Variants in NUBPL observed in about 807,000 individuals in gnomAD.
NUBPL encodes NUBP iron-sulfur cluster assembly factor, mitochondrial.
NUBPL carries 31 observed loss-of-function variants against 45.7 expected under a neutral mutation model. The observed-to-expected ratio is 0.68, with a 90% CI of 0.51 to 0.92. The LOEUF (loss-of-function observed/expected upper bound fraction) is 0.92. NUBPL is among the 40% of genes least tolerant of loss of function. NUBPL has a pLI of 0.00. For synonymous variants in NUBPL, 144 were observed against 140.9 expected (o/e 1.02, Z -0.15); for missense variants, 401 against 398.7 (o/e 1.01, Z -0.05).
At chr14:31,705,632 C>G (rs755612999) in intron 6 of NUBPL, among the ~76,000 whole-genome samples, 18 of 152,008 alleles carry the variant, frequency 1.2e-4, no homozygotes, top group Non-Finnish European at 8.8e-5. Flanking sequence ...CGTTTACAAA[C>G]CTTTAGCTAG....
At chr14:31,844,152 A>C (rs951319486) in intron 8 of NUBPL, 4 of 152,250 alleles carry the variant, frequency 2.6e-5, no homozygotes, top group Non-Finnish European at 5.9e-5. Context: ...CACAAACTGC[A>C]AATACACACT....
chr14:31,750,777 G>A (rs565767992), intron 6 of NUBPL, among the ~76,000 whole-genome samples: 32 of 152,166 alleles, frequency 2.1e-4, no homozygotes, highest in African/African-American at 7.2e-4. Context: ...TAGTAATGTG[G>A]TCTCTGTGTG....
intron 7 of NUBPL, among the ~76,000 whole-genome samples, chr14:31,790,500 A>G (rs1252749589): frequency 6.6e-6 from 1 of 152,176 alleles, no homozygotes; most frequent in Non-Finnish European, 1.5e-5. Context: ...TGCAGCCATC[A>G]CTACTGTCCA....
At chr14:31,577,081 A>G (rs1206577987) in intron 3 of NUBPL, among the ~76,000 whole-genome samples, 6 of 152,196 alleles carry the variant, frequency 3.9e-5, no homozygotes, top group African/African-American at 1.4e-4. Context: ...GCCTTCCCAC[A>G]TTCAAGGGGA....
At chr14:31,676,771 T>G (rs1157447500) in intron 6 of NUBPL, among the ~76,000 whole-genome samples, 2 of 151,506 alleles carry the variant, frequency 1.3e-5, no homozygotes, top group African/African-American at 4.8e-5. Context: ...ATTTTTTATT[T>G]TTATTTATTT....
chr14:31,760,384 C>G (rs574126706), intron 6 of NUBPL, among the ~76,000 whole-genome samples: 2 of 152,004 alleles, frequency 1.3e-5, no homozygotes, highest in East Asian at 3.9e-4. Flanking sequence ...AACTCCTGGG[C>G]TGAAGCAGTC....
At chr14:31,670,226 G>A (rs1185183812) in intron 4 of NUBPL, among the ~76,000 whole-genome samples, 1 of 152,094 alleles carries the variant, frequency 6.6e-6, no homozygotes, top group Non-Finnish European at 1.5e-5. Context: ...TTTCTCTCAT[G>A]ATCAGTGATA....
At chr14:31,662,106 C>T (rs945501307) in intron 4 of NUBPL, 3 of 151,896 alleles carry the variant, frequency 2.0e-5, no homozygotes, top group African/African-American at 7.3e-5. Context: ...TCTTCTGTAT[C>T]ATTCCAATTT....
chr14:31,831,864 A>G (rs1339504144), intron 8 of NUBPL, among the ~76,000 whole-genome samples: 3 of 152,212 alleles, frequency 2.0e-5, no homozygotes, highest in Non-Finnish European at 1.5e-5. Flanking sequence ...ATAGAGCTTT[A>G]CAAAGTTTTA....
At chr14:31,668,306 C>T (rs1246115636) in intron 4 of NUBPL, among the ~76,000 whole-genome samples, 6 of 152,230 alleles carry the variant, frequency 3.9e-5, no homozygotes, top group African/African-American at 1.4e-4. Context: ...TGCTTTGCTG[C>T]ACTGTGGTGG....
intron 4 of NUBPL, among the ~76,000 whole-genome samples, chr14:31,602,034 A>G (rs1437895088): frequency 5.3e-5 from 8 of 152,336 alleles, no homozygotes; most frequent in African/African-American, 1.7e-4. Flanking sequence ...TGTGGCACAT[A>G]TACACCATGG....
intron 4 of NUBPL, among the ~76,000 whole-genome samples, chr14:31,652,378 C>T (rs186232893): frequency 9.9e-5 from 15 of 152,190 alleles, no homozygotes; most frequent in Non-Finnish European, 5.9e-5. Context: ...CATTGTACAG[C>T]GTGGGGACTG....
At chr14:31,633,628 G>T (rs953585611) in intron 4 of NUBPL, among the ~76,000 whole-genome samples, 2 of 152,150 alleles carry the variant, frequency 1.3e-5, no homozygotes, top group Non-Finnish European at 2.9e-5. Context: ...ATCCACAAAT[G>T]CATTATAAAT....
intron 6 of NUBPL, among the ~76,000 whole-genome samples, chr14:31,707,713 A>G (rs12147841): frequency 0.3 from 46,048 of 152,096 alleles, 7,661 homozygotes; most frequent in South Asian, 0.41. Flanking sequence ...TTGACCTGCT[A>G]TAGGAAAAGC....
At chr14:31,790,736 A>G (rs752887081) in intron 7 of NUBPL, among the ~76,000 whole-genome samples, 3 of 152,146 alleles carry the variant, frequency 2.0e-5, no homozygotes, top group Non-Finnish European at 4.4e-5. Flanking sequence ...CTGTAGTCCC[A>G]GCTACTTGGG....
intron 4 of NUBPL, among the ~76,000 whole-genome samples, chr14:31,617,836 G>A (rs2034949858): frequency 6.6e-6 from 1 of 152,192 alleles, no homozygotes; most frequent in African/African-American, 2.4e-5. Flanking sequence ...GATTGGAATA[G>A]TTTCAGAAGG....
chr14:31,637,418 C>G (rs578129226), intron 4 of NUBPL, among the ~76,000 whole-genome samples: 1 of 152,166 alleles, frequency 6.6e-6, no homozygotes, highest in Non-Finnish European at 1.5e-5. Context: ...ATTCTTAATC[C>G]TGAGTTCTAG....
At chr14:31,816,223 A>G (rs573299005) in intron 7 of NUBPL, among the ~76,000 whole-genome samples, 1 of 152,146 alleles carries the variant, frequency 6.6e-6, no homozygotes, top group Non-Finnish European at 1.5e-5. Flanking sequence ...TTACTGGTCT[A>G]TTCAGGGATT....
intron 7 of NUBPL, among the ~76,000 whole-genome samples, chr14:31,820,628 A>G (rs1477197371): frequency 6.6e-6 from 1 of 152,100 alleles, no homozygotes; most frequent in Non-Finnish European, 1.5e-5. Flanking sequence ...GTTAGAGGCC[A>G]GCCCGACAAA....
Sources: gnomAD v4.1 joint callset for allele counts (sites outside exome capture counted in the v4.1 genomes callset) on GRCh38, gnomAD v4.1.1 for gene constraint, MANE v1.5 for transcripts, NCBI Gene and HGNC (gene_info 2026-07-23, HGNC 2026-07-21) for gene names.